PKMYT1: variants seen among roughly 807,000 people sequenced by gnomAD.
PKMYT1 encodes protein kinase, membrane associated tyrosine/threonine 1.
A neutral mutation model predicts 49.7 loss-of-function variants in PKMYT1; 35 were observed. That is an observed-to-expected ratio of 0.70 (90% confidence interval 0.54 to 0.93). The LOEUF (loss-of-function observed/expected upper bound fraction) is 0.93, where lower values mean the gene tolerates loss of function less well. Among genes scored for constraint, PKMYT1 ranks in the 40% least tolerant of loss-of-function variants. The pLI, the probability that PKMYT1 is intolerant of heterozygous loss-of-function variation, is 0.00. For synonymous variants in PKMYT1, 331 were observed against 287.6 expected, an observed-to-expected ratio of 1.15 and a Z score of -1.53; for missense variants, 677 against 673.1, an observed-to-expected ratio of 1.01 and a Z score of -0.06.
At position 2,976,921 on chromosome 16, in the gene PKMYT1, G is replaced by C. The variant is rs2072212306; in HGVS notation, c.121C>G (p.Leu41Val). The change falls in exon 3 of 9, where the codon CTC becomes GTC. Residue 41 changes from leucine to valine, a missense_variant. By Grantham distance (32) the Leu-to-Val change is conservative. Coordinates refer to ENST00000262300, the MANE Select transcript of PKMYT1 (RefSeq NM_004203.5). ...YFRHAEPGFS[L>V]KRPRGLSRSL... ...CGGCTGAGCCCCCTGGGCCTCTTGA[G>C]GGAGAATCCAGGTTCTGCGTGGCGG... 1.3e-6 allele frequency: 2 copies of C among 1,546,994 alleles called. No individual in the cohort carries two copies. The highest frequency in any genetic ancestry group is 4.8e-5 in the East Asian group (2 of 41,238).
chr16:2,976,570 G>C, intron 3 of PKMYT1, 94 bp downstream of exon 3: 2 of 1,254,276 alleles, frequency 1.6e-6, no homozygotes, highest in Non-Finnish European at 2.1e-6. Context: ...GAACGGAAGG[G>C]GATCAGGCTG....
At position 2,972,974 on chromosome 16, in the gene PKMYT1, C is replaced by T. The variant is rs772173732; in HGVS notation, c.1479G>A (p.Glu493=). The T allele has an allele frequency of 1.2e-6, 2 of 1,609,110 alleles. No individual in the cohort carries two copies. The highest frequency in any genetic ancestry group is 1.1e-5 in the South Asian group (1 of 89,590). The change falls in exon 9 of 9, where the codon GAG becomes GAA. Residue 493 remains glutamate, a synonymous_variant. Coordinates refer to ENST00000262300, the MANE Select transcript of PKMYT1 (RefSeq NM_004203.5). ...GGGCTCAGGTTGGGTCTAGGGTGTCCTCAAACAGGCTGAGGAGGTTCCGAG... is the reference window on the plus strand; with the variant it reads ...GGGCTCAGGTTGGGTCTAGGGTGTCTTCAAACAGGCTGAGGAGGTTCCGAG... ...FEPRNLLSLF[E]DTLDPT is the part of the protein sequence containing the mutation.
chr16:2,974,539 C>A lies in PKMYT1; in HGVS notation c.979+11G>T. ...CCGTGGCAGCACCCCCTCCCGCCCT[C>A]ACCTACTCACCGGCAGTGAACTCAG... On this transcript the variant is annotated intron_variant, in intron 5 of 8. Coordinates refer to ENST00000262300, the MANE Select transcript of PKMYT1 (RefSeq NM_004203.5). 2 of 1,556,404 alleles carry A rather than the reference C, an allele frequency of 1.3e-6. No homozygotes were observed. Among genetic ancestry groups the A allele is most frequent in the African/African-American group, 1.3e-5 (1 of 74,134 alleles).
rs369688346 is a variant in PKMYT1, at chr16:2,974,137, G to A, written c.1173C>T (p.Cys391=). The A allele has an allele frequency of 1.2e-6, 2 of 1,602,814 alleles. No homozygotes were observed. The highest frequency in any genetic ancestry group is 2.7e-5 in the African/African-American group (2 of 74,820). Residue 391 remains cysteine (C), a synonymous_variant, in exon 7 of 9, where the codon TGC becomes TGT. Coordinates refer to ENST00000262300, the MANE Select transcript of PKMYT1 (RefSeq NM_004203.5). The part of the protein sequence containing the change: ...ALWQALLALL[C]WLWHGLAHPA... ...GGTGAGCCAGCCCATGCCAGAGCCA[G>A]CAGAGCAGGGCAAGCAGGGCCTGTG...
At position 2,975,453 on chromosome 16, in the gene PKMYT1, G is replaced by A; in HGVS notation, c.738C>T (p.Arg246=). The change falls in exon 4 of 9, where the codon CGC becomes CGT. Residue 246 remains arginine (R), a synonymous_variant. Transcript: ENST00000262300. ...PANIFLGPRG[R]CKLGDFGLLV... is the part of the protein sequence containing the mutation. ...GCAGTCCGAAGTCACCCAGCTTGCA[G>A]CGGCCCCGGGGCCCCAGGAAGATGT... 1 of 1,613,206 alleles carries A rather than the reference G, an allele frequency of 6.2e-7. No homozygotes were observed. Among genetic ancestry groups the A allele is most frequent in the Non-Finnish European group, 8.5e-7 (1 of 1,179,984 alleles).
intron 5 of PKMYT1, 22 bp from the exon 6 acceptor site, chr16:2,974,439 A>G (rs200861127): frequency 1.4e-5 from 22 of 1,596,680 alleles, no homozygotes; most frequent in South Asian, 1.3e-4. Flanking sequence ...GAAGGGCCAC[A>G]TCGGGGTCCC....
At chr16:2,976,114 G>A (rs1167052739) in intron 3 of PKMYT1, 1 of 392,524 alleles carries the variant, frequency 2.5e-6, no homozygotes, top group South Asian at 6.8e-5. Flanking sequence ...AGGCAGCCCA[G>A]GCTGTGGTGT....
intron 2 of PKMYT1, chr16:2,977,382 T>C: frequency 1.0e-6 from 1 of 996,360 alleles, no homozygotes; most frequent in Non-Finnish European, 1.2e-6. Flanking sequence ...GATCCTAAAC[T>C]ACACAACCTC....
Position 2,974,665 on chromosome 16 carries a change from G to A in PKMYT1, c.873-9C>T, listed in dbSNP as rs1343328723. The A allele has an allele frequency of 6.5e-7, 1 of 1,540,576 alleles. No homozygotes were observed. Among genetic ancestry groups the A allele is most frequent in the Admixed American group, 1.9e-5 (1 of 51,294 alleles). On this transcript the variant is annotated splice_polypyrimidine_tract_variant and intron_variant, in intron 4 of 8. Coordinates refer to ENST00000262300, the MANE Select transcript of PKMYT1 (RefSeq NM_004203.5). Reference sequence around the variant, plus strand: ...GGATGGTGAGGCCCAGACTGGCAGGGACGGGATGGGGACAGAAAGGGGCAG... The same window carrying A: ...GGATGGTGAGGCCCAGACTGGCAGGAACGGGATGGGGACAGAAAGGGGCAG...
At chr16:2,979,478 A>C (rs1169389762) in intron 2 of PKMYT1, 170 bp downstream of exon 2, 2 of 633,764 alleles carry the variant, frequency 3.2e-6, no homozygotes, top group African/African-American at 3.6e-5. Context: ...TCTGACTCTA[A>C]CTACCTCAGA....
At chr16:2,974,763 T>C in intron 4 of PKMYT1, 107 bp from the exon 5 acceptor site, 1 of 708,848 alleles carries the variant, frequency 1.4e-6, no homozygotes, top group Non-Finnish European at 2.5e-6. Flanking sequence ...GCTGTCTTCA[T>C]CAGTCAGGGA....
chr16:2,979,595 T>C (rs1005773079), intron 2 of PKMYT1, 53 bp downstream of exon 2: 111 of 1,440,438 alleles, frequency 7.7e-5, no homozygotes, highest in Non-Finnish European at 1.0e-4. Context: ...CTCGGGGACC[T>C]GGGCCTGTGC....
At position 2,979,872 on chromosome 16, in the gene PKMYT1, C is replaced by T; in HGVS notation, c.-215G>A. The T allele has an allele frequency of 1.7e-6, 1 of 602,016 alleles. No individual in the cohort carries two copies. Among genetic ancestry groups the T allele is most frequent in the Non-Finnish European group, 3.0e-6 (1 of 334,416 alleles). 37.3% of individuals were successfully genotyped at this position (602,016 alleles called of 1,614,324 possible). ...CGGTAGACGGTAAGTTCCTCCCAGGCAGGGCCGCGGCTGACTTCACTCCGT... is the reference window on the plus strand; with the variant it reads ...CGGTAGACGGTAAGTTCCTCCCAGGTAGGGCCGCGGCTGACTTCACTCCGT... On this transcript the variant is annotated 5_prime_UTR_variant, in exon 2 of 9. Transcript: ENST00000262300.
In PKMYT1 at chr16:2,974,125, A is replaced by G. The variant is rs777339526; in HGVS notation, c.1185T>C (p.His395=). 5.2e-5 allele frequency: 84 copies of G among 1,605,712 alleles called. 1 individual carries two copies. In the East Asian group the frequency reaches 1.8e-3, roughly 35 times the overall value. The part of the protein sequence containing the change: ...ALLALLCWLW[H]GLAHPASWLQ... Reference sequence around the variant, plus strand: ...GCCAGCTGGCAGGGTGAGCCAGCCCATGCCAGAGCCAGCAGAGCAGGGCAA... The same window carrying G: ...GCCAGCTGGCAGGGTGAGCCAGCCCGTGCCAGAGCCAGCAGAGCAGGGCAA... The change falls in exon 7 of 9, where the codon CAT becomes CAC. Residue 395 remains histidine (H), a synonymous_variant. Coordinates refer to ENST00000262300, the MANE Select transcript of PKMYT1 (RefSeq NM_004203.5).
chr16:2,979,371 G>C, intron 2 of PKMYT1: 1 of 387,680 alleles, frequency 2.6e-6, no homozygotes, highest in Non-Finnish European at 4.6e-6. Context: ...AAATTAAAAA[G>C]AGCAGTCTCC....
rs2072103710 is a variant in PKMYT1 at position 2,974,086 on chromosome 16, G to A, written c.1224C>T (p.Gly408=). The A allele has an allele frequency of 3.1e-6, 5 of 1,609,654 alleles. No homozygotes were observed. Among genetic ancestry groups the A allele is most frequent in the Non-Finnish European group, 4.2e-6 (5 of 1,178,540 alleles). The change falls in exon 7 of 9, where the codon GGC becomes GGT. Residue 408 remains glycine (G), a synonymous_variant. Coordinates refer to ENST00000262300, the MANE Select transcript of PKMYT1 (RefSeq NM_004203.5). ...GTGAGCCAGGCGGGGTGGCTGGCGG[G>A]CCCAGGGGCTGTAGCCAGCTGGCAG... ...AHPASWLQPL[G]PPATPPGSPP...
rs764268414 is a variant in PKMYT1 at position 2,975,540 on chromosome 16, C to T, written c.651G>A (p.Thr217=). 5.0e-6 allele frequency: 8 copies of T among 1,612,006 alleles called. No homozygotes were observed. Among genetic ancestry groups the T allele is most frequent in the South Asian group, 2.2e-5 (2 of 91,074 alleles). Residue 217 remains threonine, a synonymous_variant, in exon 4 of 9, where the codon ACG becomes ACA. Transcript: ENST00000262300. ...TGTGCAGATGGGCCAGGGCAAGCAG[C>T]GTGTCCCGCAGGTAGCCCCAGACCT... is the stretch of plus-strand genomic sequence containing the variant. The part of the protein sequence containing the change: ...EAQVWGYLRD[T]LLALAHLHSQ...
intron 3 of PKMYT1, 62 bp downstream of exon 3, chr16:2,976,602 G>A: frequency 7.1e-7 from 1 of 1,406,978 alleles, no homozygotes; most frequent in Non-Finnish European, 9.3e-7. Flanking sequence ...GTCCTGCCAA[G>A]GGAGGTGCAG....
Position 2,973,441 on chromosome 16 carries a change from A to G in PKMYT1, c.1311-226T>C, listed in dbSNP as rs1417515793. On this transcript the variant is annotated intron_variant, in intron 7 of 8. Coordinates refer to ENST00000262300, the MANE Select transcript of PKMYT1 (RefSeq NM_004203.5). Reference sequence around the variant, plus strand: ...GCCCCCTCTGTCCTTTTCAGAACACATGGACTTGGAGGCAGATTTGAAATA... The same window carrying G: ...GCCCCCTCTGTCCTTTTCAGAACACGTGGACTTGGAGGCAGATTTGAAATA... 7 of 1,527,712 alleles carry G rather than the reference A, an allele frequency of 4.6e-6. No individual in the cohort carries two copies. In the Admixed American group the frequency reaches 9.9e-5, roughly 22 times the overall value. 94.6% of individuals were successfully genotyped at this position (1,527,712 alleles called of 1,614,324 possible).
Sources: gnomAD v4.1 joint callset for allele counts on GRCh38, gnomAD v4.1.1 for gene constraint, MANE v1.5 for transcripts, NCBI Gene and HGNC (gene_info 2026-07-23, HGNC 2026-07-21) for gene names.